The following KLF8 variants were observed in gnomAD, a reference collection of about 807,000 sequenced individuals.
KLF8 encodes Krueppel-like factor 8.
In KLF8, 10 loss-of-function variants were observed where a neutral mutation model predicts 18.2. That is an observed-to-expected ratio of 0.55 (90% CI 0.34 to 0.93). The LOEUF (loss-of-function observed/expected upper bound fraction) is 0.93. KLF8 is among the 40% of genes least tolerant of loss of function. The pLI, the probability that KLF8 is intolerant of heterozygous loss-of-function variation, is 0.02. For synonymous variants in KLF8, 109 were observed against 97.3 expected (o/e 1.12, Z -0.71); for missense variants, 264 against 277.9 (o/e 0.95, Z 0.36).
chrX:56,103,598 A>G, the KLF8 span, among the ~76,000 whole-genome samples: 2 of 111,684 alleles, frequency 1.8e-5, no homozygotes, highest in Admixed American at 9.5e-5. Context: ...TTATCAGCTT[A>G]AGGAGATTTT....
the KLF8 span, among the ~76,000 whole-genome samples, chrX:56,226,383 C>G: frequency 1.8e-5 from 2 of 111,954 alleles, no homozygotes; most frequent in Non-Finnish European, 3.8e-5. Flanking sequence ...ACATGTTTTA[C>G]TTAAGTAAAT....
At chrX:55,947,302 C>T in the KLF8 span, among the ~76,000 whole-genome samples, 1 of 109,986 alleles carries the variant, frequency 9.1e-6, no homozygotes, top group Middle Eastern at 4.7e-3. Context: ...GAATACTATT[C>T]GGCCATAAAA....
chrX:56,206,739 G>A, the KLF8 span, among the ~76,000 whole-genome samples: 1 of 112,247 alleles, frequency 8.9e-6, no homozygotes, highest in Non-Finnish European at 1.9e-5. Context: ...CCATTCTGAT[G>A]TCTGGAGGAC....
At chrX:56,034,997 C>T in the KLF8 span, among the ~76,000 whole-genome samples, 11 of 109,796 alleles carry the variant, frequency 1.0e-4, no homozygotes, top group East Asian at 2.9e-4. Flanking sequence ...CCTCGTGATC[C>T]GCCCGCCTCG....
At chrX:55,979,473 C>A in the KLF8 span, among the ~76,000 whole-genome samples, 2 of 112,051 alleles carry the variant, frequency 1.8e-5, no homozygotes, top group Admixed American at 9.5e-5. Flanking sequence ...TACAGAGGCA[C>A]TCCTGTAGGG....
chrX:55,955,515 A>T, the KLF8 span, among the ~76,000 whole-genome samples: 1 of 111,770 alleles, frequency 8.9e-6, no homozygotes, highest in African/African-American at 3.2e-5. Context: ...CTGTGTATTG[A>T]AAAAGCTATA....
chrX:56,024,858 C>T, the KLF8 span, among the ~76,000 whole-genome samples: 1 of 112,372 alleles, frequency 8.9e-6, no homozygotes, highest in East Asian at 2.8e-4. Flanking sequence ...GGTTTCACTT[C>T]CTTGTTTCTT....
the KLF8 span, among the ~76,000 whole-genome samples, chrX:55,986,648 G>A: frequency 5.4e-5 from 6 of 112,022 alleles, no homozygotes; most frequent in Admixed American, 5.7e-4. Context: ...CTTCTTTTGA[G>A]AAATGTTTTT....
intron 1 of KLF8, among the ~76,000 whole-genome samples, 191 bp downstream of exon 1, chrX:56,233,532 G>C (rs2066429431): frequency 8.9e-6 from 1 of 112,094 alleles, no homozygotes; most frequent in Non-Finnish European, 1.9e-5. Flanking sequence ...AAAGGGCTGG[G>C]CAAAGAAAGG....
At chrX:56,178,970 C>A in the KLF8 span, among the ~76,000 whole-genome samples, 3 of 111,867 alleles carry the variant, frequency 2.7e-5, no homozygotes, top group South Asian at 3.7e-4. Context: ...AATGTGGGCT[C>A]TTTTTTGGTT....
intron 4 of KLF8, 121 bp from the exon 5 acceptor site, chrX:56,270,061 C>A: frequency 2.9e-6 from 2 of 680,980 alleles, no homozygotes; most frequent in Non-Finnish European, 4.3e-6. Context: ...TTTGGGGGGA[C>A]CTAGCATTAA....
the KLF8 span, among the ~76,000 whole-genome samples, chrX:55,931,812 G>C: frequency 9.0e-6 from 1 of 111,183 alleles, no homozygotes; most frequent in Admixed American, 9.6e-5. Flanking sequence ...TGGAATAAGT[G>C]CAATGTGGTG....
chrX:56,003,404 C>G, the KLF8 span, among the ~76,000 whole-genome samples: 1 of 92,145 alleles, frequency 1.1e-5, no homozygotes, highest in Non-Finnish European at 2.1e-5. Flanking sequence ...AGCGAGACTC[C>G]GTAAAATAAA....
chrX:56,031,160 G>A, the KLF8 span, among the ~76,000 whole-genome samples: 1 of 111,233 alleles, frequency 9.0e-6, no homozygotes, highest in Non-Finnish European at 1.9e-5. Context: ...CCAATGGGGT[G>A]GGCTTACTTT....
chrX:56,289,068 G>A lies in KLF8; in HGVS notation c.*4574G>A, dbSNP rs1276501962. Among the ~76,000 whole-genome samples the A allele has an allele frequency of 8.9e-6, 1 of 112,277 alleles. No individual in the cohort carries two copies. The highest frequency in any genetic ancestry group is 2.8e-4 in the East Asian group (1 of 3,613). The stretch of plus-strand genomic sequence containing the variant: ...TTATTTGGAATTATTCTCTAAGGGA[G>A]ATTGTCTCTTCTCCCCCATTTATTT... On this transcript the variant is annotated 3_prime_UTR_variant, in exon 6 of 6. Transcript: ENST00000468660.
the KLF8 span, among the ~76,000 whole-genome samples, chrX:56,037,367 G>GT: frequency 0.041 from 4,443 of 109,449 alleles, 225 homozygotes; most frequent in African/African-American, 0.14. Context: ...AGATTGGTCT[G>GT]TTTTTTTTTA....
the KLF8 span, among the ~76,000 whole-genome samples, chrX:56,091,158 C>A: frequency 9.0e-6 from 1 of 111,112 alleles, no homozygotes; most frequent in African/African-American, 3.3e-5. Flanking sequence ...AGGGTGGGAC[C>A]TGGTGAGAGG....
At position 56,253,600 on chromosome X, in the gene KLF8, T is replaced by A. The variant is rs148302300; in HGVS notation, c.81+3296T>A. 5.3e-4 allele frequency among the ~76,000 whole-genome samples: 59 copies of A among 110,617 alleles called. 1 individual carries two copies. The East Asian group carries it at 0.017, about 31-fold the overall frequency. ...GTTTTCATGCCAATACAATGCCATTTTGGTTACTATAGCTCTATAGTATAA... is the reference window on the plus strand; with the variant it reads ...GTTTTCATGCCAATACAATGCCATTATGGTTACTATAGCTCTATAGTATAA... On this transcript the variant is annotated intron_variant, in intron 2 of 5. Transcript: ENST00000468660.
the KLF8 span, among the ~76,000 whole-genome samples, chrX:56,165,027 T>C: frequency 1.0e-5 from 1 of 98,871 alleles, no homozygotes; most frequent in Non-Finnish European, 2.0e-5. Context: ...CTTGCGATAG[T>C]TTACTGAGAA....
Sources: allele counts gnomAD v4.1 joint callset (sites outside exome capture counted in the v4.1 genomes callset), GRCh38; gene constraint gnomAD v4.1.1; transcripts MANE v1.5; gene names NCBI Gene and HGNC (gene_info 2026-07-23, HGNC 2026-07-21).